ENTREP2: variants seen among roughly 807,000 people sequenced by gnomAD.
ENTREP2 encodes the protein endosomal transmembrane epsin interactor 2, also known as protein ENTREP2.
the ENTREP2 span, among the ~76,000 whole-genome samples, chr15:29,464,073 A>T: frequency 6.6e-6 from 1 of 152,138 alleles, no homozygotes; most frequent in Non-Finnish European, 1.5e-5. Context: ...ATCATGTTCA[A>T]TGGGGACAGT....
chr15:29,336,746 C>G, the ENTREP2 span, among the ~76,000 whole-genome samples: 1 of 152,202 alleles, frequency 6.6e-6, no homozygotes, highest in Non-Finnish European at 1.5e-5. Flanking sequence ...ATGTCATGCT[C>G]ATTTCAGCAA....
At chr15:29,318,130 G>A in the ENTREP2 span, among the ~76,000 whole-genome samples, 8 of 152,286 alleles carry the variant, frequency 5.3e-5, no homozygotes, top group Admixed American at 1.3e-4. Flanking sequence ...CAGGCAGGCC[G>A]TGTTTTATTG....
At chr15:29,634,222 G>A in the ENTREP2 span, among the ~76,000 whole-genome samples, 2 of 152,070 alleles carry the variant, frequency 1.3e-5, no homozygotes, top group Admixed American at 1.3e-4. Flanking sequence ...TAGCCGGTTT[G>A]CCAGACAAGC....
At chr15:29,366,729 C>A in the ENTREP2 span, among the ~76,000 whole-genome samples, 1 of 152,184 alleles carries the variant, frequency 6.6e-6, no homozygotes, top group African/African-American at 2.4e-5. Context: ...ACCCACATTA[C>A]ATGTATCAAC....
At chr15:29,673,998 C>G in the ENTREP2 span, among the ~76,000 whole-genome samples, 1 of 152,070 alleles carries the variant, frequency 6.6e-6, no homozygotes, top group Non-Finnish European at 1.5e-5. Flanking sequence ...CTGGAGAAAC[C>G]AGAGTGTGTG....
chr15:29,616,124 C>T, the ENTREP2 span, among the ~76,000 whole-genome samples: 1 of 152,208 alleles, frequency 6.6e-6, no homozygotes, highest in South Asian at 2.1e-4. Flanking sequence ...AAATATACAG[C>T]AGTTTTGCAA....
the ENTREP2 span, among the ~76,000 whole-genome samples, chr15:29,223,666 CA>C: frequency 2.6e-5 from 4 of 152,106 alleles, no homozygotes; most frequent in Admixed American, 2.6e-4. Flanking sequence ...CTGCTAAACA[CA>C]ATGCGGGCCC....
At chr15:29,156,435 T>A in the ENTREP2 span, among the ~76,000 whole-genome samples, 6 of 151,742 alleles carry the variant, frequency 4.0e-5, no homozygotes, top group African/African-American at 1.5e-4. Context: ...TGATCCACCC[T>A]CCTCGGCCTC....
At chr15:29,424,093 G>A in the ENTREP2 span, among the ~76,000 whole-genome samples, 19 of 152,114 alleles carry the variant, frequency 1.2e-4, no homozygotes, top group African/African-American at 4.6e-4. Context: ...TCCTTCCCAC[G>A]GGTTTGTGCT....
the ENTREP2 span, among the ~76,000 whole-genome samples, chr15:29,380,848 C>CT: frequency 9.6e-3 from 1,223 of 127,482 alleles, 7 homozygotes; most frequent in Non-Finnish European, 0.014. Flanking sequence ...TGCATCCACA[C>CT]TTTTTTTTTT....
chr15:29,425,142 C>T, the ENTREP2 span, among the ~76,000 whole-genome samples: 5 of 152,116 alleles, frequency 3.3e-5, no homozygotes, highest in African/African-American at 1.2e-4. Context: ...CATTCTCCTG[C>T]CTCAGCCTCC....
chr15:29,627,372 G>T, the ENTREP2 span, among the ~76,000 whole-genome samples: 1 of 151,822 alleles, frequency 6.6e-6, no homozygotes, highest in African/African-American at 2.4e-5. Context: ...GTGAAACTTC[G>T]TCTCTACTAA....
chr15:29,419,014 CAA>C, the ENTREP2 span, among the ~76,000 whole-genome samples: 1 of 152,294 alleles, frequency 6.6e-6, no homozygotes, highest in South Asian at 2.1e-4. Flanking sequence ...TTAGGAAACA[CAA>C]GAGAGAGGGG....
At chr15:29,602,731 T>G in the ENTREP2 span, among the ~76,000 whole-genome samples, 1 of 152,038 alleles carries the variant, frequency 6.6e-6, no homozygotes, top group Non-Finnish European at 1.5e-5. Flanking sequence ...AGAGATATAT[T>G]CCCTCTTTCA....
At chr15:29,168,974 T>C in the ENTREP2 span, among the ~76,000 whole-genome samples, 1 of 152,226 alleles carries the variant, frequency 6.6e-6, no homozygotes, top group Admixed American at 6.5e-5. Context: ...TCTGTGTAAA[T>C]AATCGTAGAC....
chr15:29,170,732 G>A, the ENTREP2 span, among the ~76,000 whole-genome samples: 24 of 152,312 alleles, frequency 1.6e-4, no homozygotes, highest in African/African-American at 4.6e-4. Context: ...GGAAGAGGGC[G>A]CTTGCCAGAA....
At chr15:29,577,961 T>G in the ENTREP2 span, among the ~76,000 whole-genome samples, 2 of 152,114 alleles carry the variant, frequency 1.3e-5, no homozygotes, top group Non-Finnish European at 2.9e-5. Context: ...GTTTGGTGGG[T>G]ACAGTTTCAA....
the ENTREP2 span, among the ~76,000 whole-genome samples, chr15:29,654,376 T>C: frequency 6.6e-6 from 1 of 152,190 alleles, no homozygotes; most frequent in East Asian, 1.9e-4. Context: ...GTTTGTGCGG[T>C]TGGAGAATTC....
At chr15:29,314,184 A>G in the ENTREP2 span, among the ~76,000 whole-genome samples, 1 of 152,250 alleles carries the variant, frequency 6.6e-6, no homozygotes, top group Admixed American at 6.5e-5. Flanking sequence ...TATTGAAATG[A>G]CAACAAAGGG....
Sources: gnomAD v4.1 joint callset for allele counts (sites outside exome capture counted in the v4.1 genomes callset) on GRCh38, gnomAD v4.1.1 for gene constraint, MANE v1.5 for transcripts, NCBI Gene and HGNC (gene_info 2026-07-23, HGNC 2026-07-21) for gene names.